Variants in SRD5A2 observed in about 807,000 individuals in gnomAD.
SRD5A2 encodes the protein 3-oxo-5-alpha-steroid 4-dehydrogenase 2.
SRD5A2 carries 30 observed loss-of-function variants against 27.4 expected under a neutral mutation model. The ratio of observed to expected loss-of-function variants is 1.10; its 90% CI spans 0.82 to 1.49. The LOEUF (loss-of-function observed/expected upper bound fraction) is 1.49, where lower values mean the gene tolerates loss of function less well. SRD5A2 is among the 40% of genes most tolerant of loss of function. The pLI, the probability that SRD5A2 is intolerant of heterozygous loss-of-function variation, is 0.00. For synonymous variants in SRD5A2, 141 were observed against 133.6 expected (o/e 1.06, Z -0.38); for missense variants, 348 against 323.4 (o/e 1.08, Z -0.58).
At chr2:31,584,104 T>C (rs1007866728), upstream of SRD5A2, among the ~76,000 whole-genome samples, 2 of 152,022 alleles carry the variant, frequency 1.3e-5, no homozygotes, top group Non-Finnish European at 2.9e-5. Flanking sequence ...AGAGTCCTGA[T>C]AAAGGAAGTG....
At chr2:31,611,406 A>C in the SRD5A2 span, among the ~76,000 whole-genome samples, 1 of 152,240 alleles carries the variant, frequency 6.6e-6, no homozygotes, top group Non-Finnish European at 1.5e-5. Flanking sequence ...AACTGAATTG[A>C]TAATCCACAG....
the SRD5A2 span, among the ~76,000 whole-genome samples, chr2:31,653,624 T>C: frequency 3.3e-5 from 5 of 152,178 alleles, no homozygotes; most frequent in Non-Finnish European, 7.3e-5. Context: ...CAAGGAGACA[T>C]TGAGAATGAG....
At chr2:31,530,596 T>C (rs1339021612) in intron 3 of SRD5A2, among the ~76,000 whole-genome samples, 1 of 152,242 alleles carries the variant, frequency 6.6e-6, no homozygotes, top group Non-Finnish European at 1.5e-5. Flanking sequence ...TTGTCATTAA[T>C]TTCTTAATCA....
chr2:31,648,444 C>A, the SRD5A2 span, among the ~76,000 whole-genome samples: 1 of 152,170 alleles, frequency 6.6e-6, no homozygotes, highest in Non-Finnish European at 1.5e-5. Context: ...TGCATTTCAA[C>A]CTGCCAATAA....
chr2:31,549,705 G>A (rs1440711051), intron 1 of SRD5A2, among the ~76,000 whole-genome samples: 8 of 152,158 alleles, frequency 5.3e-5, no homozygotes, highest in African/African-American at 1.9e-4. Flanking sequence ...TCTTAAATGT[G>A]TGTGCATCAA....
the SRD5A2 span, among the ~76,000 whole-genome samples, chr2:31,619,642 TGTGAG>T: frequency 6.6e-6 from 1 of 152,112 alleles, no homozygotes; most frequent in Non-Finnish European, 1.5e-5. Flanking sequence ...TTCAGACTGG[TGTGAG>T]GTGATATCTC....
the SRD5A2 span, among the ~76,000 whole-genome samples, chr2:31,631,053 A>C: frequency 6.6e-6 from 1 of 152,214 alleles, no homozygotes; most frequent in Non-Finnish European, 1.5e-5. Flanking sequence ...GTACTTACAG[A>C]ATCAAAAAGA....
the SRD5A2 span, among the ~76,000 whole-genome samples, chr2:31,652,367 G>T: frequency 2.6e-5 from 4 of 152,016 alleles, no homozygotes; most frequent in African/African-American, 9.7e-5. Context: ...ATTTTGCAAG[G>T]ACATGTTTGC....
At chr2:31,529,817 C>G (rs192963373) in intron 3 of SRD5A2, among the ~76,000 whole-genome samples, 1 of 152,150 alleles carries the variant, frequency 6.6e-6, no homozygotes, top group Non-Finnish European at 1.5e-5. Flanking sequence ...CCTCTTACCT[C>G]CCCGCTCCTT....
chr2:31,622,090 T>A, the SRD5A2 span, among the ~76,000 whole-genome samples: 4 of 152,070 alleles, frequency 2.6e-5, no homozygotes, highest in Admixed American at 6.6e-5. Context: ...CCAGCACCCA[T>A]TAGCTATTCT....
the SRD5A2 span, among the ~76,000 whole-genome samples, chr2:31,590,802 C>A: frequency 2.6e-5 from 4 of 152,168 alleles, no homozygotes; most frequent in Non-Finnish European, 4.4e-5. Flanking sequence ...TGATCTTTGA[C>A]AAACCTGACA....
chr2:31,541,212 G>A (rs1666122002), intron 1 of SRD5A2, among the ~76,000 whole-genome samples: 1 of 151,992 alleles, frequency 6.6e-6, no homozygotes, highest in Non-Finnish European at 1.5e-5. Context: ...GCTGATCCTT[G>A]GCACAGAGAC....
intron 1 of SRD5A2, among the ~76,000 whole-genome samples, chr2:31,541,707 A>T (rs1034595717): frequency 6.6e-6 from 1 of 152,212 alleles, no homozygotes; most frequent in Non-Finnish European, 1.5e-5. Flanking sequence ...TGAATTGCCA[A>T]TGATGCCCCT....
intron 1 of SRD5A2, among the ~76,000 whole-genome samples, chr2:31,564,567 T>G (rs1666691420): frequency 6.6e-6 from 1 of 151,770 alleles, no homozygotes. Context: ...AAGCCCAGAA[T>G]AAGAAATATA....
chr2:31,567,034 C>T (rs1666744765), intron 1 of SRD5A2, among the ~76,000 whole-genome samples: 2 of 152,094 alleles, frequency 1.3e-5, no homozygotes, highest in African/African-American at 4.8e-5. Context: ...TATTTCCATA[C>T]ACAGATATAG....
the SRD5A2 span, among the ~76,000 whole-genome samples, chr2:31,591,499 C>G: frequency 6.6e-6 from 1 of 151,980 alleles, no homozygotes; most frequent in Non-Finnish European, 1.5e-5. Flanking sequence ...GGACTGTAAA[C>G]TAGTTCAACC....
the SRD5A2 span, among the ~76,000 whole-genome samples, chr2:31,628,658 C>T: frequency 6.6e-6 from 1 of 152,116 alleles, no homozygotes; most frequent in Admixed American, 6.6e-5. Flanking sequence ...TCTTATAAGG[C>T]AGGTGTGTTA....
chr2:31,561,306 T>G (rs1474968976), intron 1 of SRD5A2, among the ~76,000 whole-genome samples: 2 of 152,138 alleles, frequency 1.3e-5, no homozygotes, highest in East Asian at 3.8e-4. Flanking sequence ...AATTACTTTC[T>G]CTAGTAAGAC....
chr2:31,554,334 T>A (rs2268794), intron 1 of SRD5A2, among the ~76,000 whole-genome samples: 29,257 of 152,134 alleles, frequency 0.19, 3,585 homozygotes, highest in African/African-American at 0.35. Context: ...CTTTAATCAA[T>A]TCATAATCAG....
Sources: allele counts gnomAD v4.1 joint callset (sites outside exome capture counted in the v4.1 genomes callset), GRCh38; gene constraint gnomAD v4.1.1; transcripts MANE v1.5; gene names NCBI Gene and HGNC (gene_info 2026-07-23, HGNC 2026-07-21).